The following ENDOV variants were observed in gnomAD, a reference collection of about 807,000 sequenced individuals.
ENDOV encodes the protein endonuclease V.
In ENDOV, 37 loss-of-function variants were observed where a neutral mutation model predicts 39.4. The ratio of observed to expected loss-of-function variants is 0.94; its 90% CI spans 0.72 to 1.23. The LOEUF (loss-of-function observed/expected upper bound fraction) is 1.23. Ranked by LOEUF, ENDOV falls within the 50% of genes most tolerant of loss-of-function variation. The pLI is 0.00. For synonymous variants in ENDOV, 186 were observed against 163.4 expected (o/e 1.14, Z -1.05); for missense variants, 441 against 375.7 (o/e 1.17, Z -1.44).
At chr17:80,429,899 G>A (rs2083193986) in intron 9 of ENDOV, 68 bp downstream of exon 9, 35 of 1,611,498 alleles carry the variant, frequency 2.2e-5, no homozygotes, top group Non-Finnish European at 3.0e-5. Flanking sequence ...GCTCCCAGGA[G>A]CAGGCGGGCA....
At chr17:80,422,355 G>A (rs1037559723) in intron 4 of ENDOV, 110 bp downstream of exon 4, 190 of 1,343,134 alleles carry the variant, frequency 1.4e-4, no homozygotes, top group Non-Finnish European at 1.8e-4. Context: ...TCTGCCGCCA[G>A]CCCCCTCCAA....
chr17:80,422,478 A>G (rs1288782946), intron 4 of ENDOV, among the ~76,000 whole-genome samples: 1 of 152,214 alleles, frequency 6.6e-6, no homozygotes, highest in Non-Finnish European at 1.5e-5. Flanking sequence ...CCTGTCCGCC[A>G]CTGCCTTCTC....
chr17:80,428,165 G>A (rs575445816), intron 7 of ENDOV, among the ~76,000 whole-genome samples: 12 of 152,346 alleles, frequency 7.9e-5, no homozygotes, highest in Admixed American at 7.8e-4. Context: ...TAGTCAGGGA[G>A]AGGACAGACC....
At chr17:80,430,106 C>G (rs41301878) in intron 9 of ENDOV, 128,165 of 1,534,484 alleles carry the variant, frequency 0.084, 5,748 homozygotes, top group Middle Eastern at 0.17. Context: ...CAGCACAGCC[C>G]AGCACCAGGT....
Position 80,419,858 on chromosome 17 carries a change from A to C in ENDOV, c.229-1970A>C. On this transcript the variant is annotated intron_variant, in intron 2 of 9. Coordinates refer to ENST00000518137, the MANE Select transcript of ENDOV (RefSeq NM_173627.5). ...TCACCCACGCCATTTCAGTCGGTGT[A>C]GCTGGAAACACTGGTAGCTTTTGAG... 5.0e-6 allele frequency: 3 copies of C among 594,216 alleles called. No homozygotes were observed. The South Asian group carries it at 6.0e-5, about 12-fold the overall frequency. 36.8% of individuals were successfully genotyped at this position (594,216 alleles called of 1,614,324 possible). A position where few individuals can be genotyped will look rare whatever the true frequency, so the allele number is the denominator to read the frequency against.
At chr17:80,416,493 A>G (rs2081206149) in intron 2 of ENDOV, among the ~76,000 whole-genome samples, 1 of 151,964 alleles carries the variant, frequency 6.6e-6, no homozygotes, top group Non-Finnish European at 1.5e-5. Flanking sequence ...TGCCTCTTAA[A>G]TGTCGCTGGA....
At chr17:80,431,361 C>G (rs994801813) in intron 9 of ENDOV, among the ~76,000 whole-genome samples, 10 of 152,334 alleles carry the variant, frequency 6.6e-5, no homozygotes, top group Admixed American at 5.2e-4. Flanking sequence ...GGAAAAGAGG[C>G]CCAGGCTGTG....
chr17:80,430,192 G>T, intron 9 of ENDOV: 1 of 1,479,278 alleles, frequency 6.8e-7, no homozygotes, highest in Non-Finnish European at 8.9e-7. Flanking sequence ...TCAGAGGACA[G>T]ATCTCTATGG....
rs746890130 is a variant in ENDOV at position 80,430,039 on chromosome 17, A to C, written c.838+208A>C. 6.5e-6 allele frequency: 10 copies of C among 1,535,832 alleles called. No homozygotes were observed. In the South Asian group the frequency reaches 1.2e-4, roughly 18 times the overall value. ...CTTAGGGGAACCTCATCTCAGCCGC[A>C]GGTGGAGCACCCAGTCCCCAAAGAC... On this transcript the variant is annotated intron_variant, in intron 9 of 9. Coordinates refer to ENST00000518137, the MANE Select transcript of ENDOV (RefSeq NM_173627.5).
chr17:80,431,743 C>T (rs1011282747), intron 9 of ENDOV, among the ~76,000 whole-genome samples: 5 of 152,164 alleles, frequency 3.3e-5, no homozygotes, highest in South Asian at 2.1e-4. Flanking sequence ...CTCCCCTCAC[C>T]GTGGCAGAGG....
chr17:80,424,614 A>C (rs552400314), intron 5 of ENDOV, among the ~76,000 whole-genome samples: 1 of 152,266 alleles, frequency 6.6e-6, no homozygotes, highest in Admixed American at 6.5e-5. Context: ...GCTCACCTCC[A>C]AGATCAGTCC....
intron 9 of ENDOV, among the ~76,000 whole-genome samples, chr17:80,431,010 G>A (rs2083298306): frequency 2.0e-5 from 3 of 152,186 alleles, no homozygotes; most frequent in Non-Finnish European, 4.4e-5. Context: ...CATGCCGGCT[G>A]GCCTCCAGAT....
At chr17:80,434,894 C>T (rs1039440830) in intron 9 of ENDOV, among the ~76,000 whole-genome samples, 2 of 152,074 alleles carry the variant, frequency 1.3e-5, no homozygotes, top group African/African-American at 2.4e-5. Flanking sequence ...TGCAGTGAAC[C>T]GTGATTGTGC....
At chr17:80,433,934 T>C (rs1420443385) in intron 9 of ENDOV, among the ~76,000 whole-genome samples, 4 of 152,230 alleles carry the variant, frequency 2.6e-5, no homozygotes, top group African/African-American at 9.6e-5. Context: ...GAGATAAAAG[T>C]CATCATTTCC....
chr17:80,423,663 G>T, intron 5 of ENDOV, 31 bp downstream of exon 5: 1 of 1,539,896 alleles, frequency 6.5e-7, no homozygotes, highest in Non-Finnish European at 8.8e-7. Flanking sequence ...GGCCATGCCC[G>T]GCAGCTCAGT....
At chr17:80,420,792 C>T (rs2081903219) in intron 2 of ENDOV, among the ~76,000 whole-genome samples, 1 of 152,262 alleles carries the variant, frequency 6.6e-6, no homozygotes, top group African/African-American at 2.4e-5. Flanking sequence ...GTTCTCCTGC[C>T]TCAGCCTCCC....
chr17:80,415,466 T>C (rs570205699), intron 1 of ENDOV, 184 bp from the exon 2 acceptor site: 1 of 1,004,844 alleles, frequency 1.0e-6, no homozygotes, highest in Admixed American at 2.9e-5. Context: ...TTGTCTGGCC[T>C]GCGCTTGCGC....
At chr17:80,425,254 C>T (rs2082549280) in intron 6 of ENDOV, among the ~76,000 whole-genome samples, 154 bp downstream of exon 6, 1 of 152,134 alleles carries the variant, frequency 6.6e-6, no homozygotes. Flanking sequence ...TGACTGAGTC[C>T]AGGGTGTGAT....
intron 2 of ENDOV, among the ~76,000 whole-genome samples, chr17:80,419,167 T>C (rs2081603192): frequency 9.9e-6 from 1 of 100,716 alleles, no homozygotes; most frequent in African/African-American, 3.5e-5. Flanking sequence ...AGCAGGACTC[T>C]GTCAAAAAAA....
Sources: allele counts gnomAD v4.1 joint callset (sites outside exome capture counted in the v4.1 genomes callset), GRCh38; gene constraint gnomAD v4.1.1; transcripts MANE v1.5; gene names NCBI Gene and HGNC (gene_info 2026-07-23, HGNC 2026-07-21).